The following XRN2 variants were observed in gnomAD, a reference collection of about 807,000 sequenced individuals.
XRN2 encodes the protein DHM1-like protein.
A neutral mutation model predicts 138.5 loss-of-function variants in XRN2; 44 were observed. That is an observed-to-expected ratio of 0.32 (90% CI 0.25 to 0.41). The LOEUF is 0.41. XRN2 is among the 10% of genes least tolerant of loss of function. XRN2 has a pLI of 1.00. For missense variants in XRN2, 937 were observed against 1,169.3 expected, an observed-to-expected ratio of 0.80 and a Z score of 2.90; for synonymous variants, 354 against 369.4, an observed-to-expected ratio of 0.96 and a Z score of 0.48.
rs2122210582 is a variant in XRN2 at position 21,330,504 on chromosome 20, A to G, written c.451A>G (p.Ile151Val). ...AGGTGGCTTTCTTCCTCCAGAAGAA[A>G]TAAAAGAAAGATTTGACAGCAACTG... Reference protein sequence around the residue: ...AKGGFLPPEEIKERFDSNCIT... With the variant: ...AKGGFLPPEEVKERFDSNCIT... The change falls in exon 5 of 30, where the codon ATA becomes GTA. Residue 151 changes from isoleucine (I) to valine (V), a missense_variant. Physicochemically the swap from Ile to Val is conservative, Grantham distance 29. Around this residue, in one of 6 missense-constraint regions of XRN2, gnomAD observed 471 missense variants for 581.2 expected, o/e 0.81. Transcript: ENST00000377191. The G allele has an allele frequency of 6.2e-7, 1 of 1,613,868 alleles. No individual in the cohort carries two copies. Among genetic ancestry groups the G allele is most frequent in the East Asian group, 2.2e-5 (1 of 44,844 alleles).
intron 24 of XRN2, among the ~76,000 whole-genome samples, chr20:21,361,982 A>C (rs1337439713): frequency 6.6e-6 from 1 of 152,246 alleles, no homozygotes; most frequent in African/African-American, 2.4e-5. Context: ...GAAAAATGAT[A>C]TTAATACTTT....
chr20:21,360,423 T>C (rs1336438102), intron 24 of XRN2, among the ~76,000 whole-genome samples: 1 of 152,110 alleles, frequency 6.6e-6, no homozygotes, highest in Non-Finnish European at 1.5e-5. Flanking sequence ...ACAGTTTTTA[T>C]ATATGTTGTT....
intron 4 of XRN2, among the ~76,000 whole-genome samples, chr20:21,329,001 A>G (rs768935895): frequency 2.0e-5 from 3 of 151,956 alleles, no homozygotes; most frequent in Non-Finnish European, 4.4e-5. Context: ...ATTTTTTACT[A>G]CTTTTCTCTG....
intron 13 of XRN2, among the ~76,000 whole-genome samples, chr20:21,337,572 A>C (rs912396954): frequency 2.0e-5 from 3 of 151,562 alleles, no homozygotes; most frequent in African/African-American, 4.9e-5. Flanking sequence ...CCAGGTGATG[A>C]CTCCCATGGG....
intron 29 of XRN2, among the ~76,000 whole-genome samples, chr20:21,388,989 T>G (rs954393396): frequency 6.6e-6 from 1 of 152,256 alleles, no homozygotes; most frequent in Non-Finnish European, 1.5e-5. Flanking sequence ...CCACTGTCTG[T>G]ACATGTTGTT....
rs535403975 is a variant in XRN2, at chr20:21,344,098, G to A, written c.1419G>A (p.Ser473=). ...EMRMQNNSSP[S]ISPNTSFTSD... ...GTCATCATTGTCTGCAGAGTCCTTC[G>A]ATATCTCCTAATACGAGTTTCACAT... is the stretch of plus-strand genomic sequence containing the variant. The change falls in exon 16 of 30, where the codon TCG becomes TCA. Residue 473 remains serine (S), a synonymous_variant. Coordinates refer to ENST00000377191, the MANE Select transcript of XRN2 (RefSeq NM_012255.5). The A allele has an allele frequency of 1.2e-5, 19 of 1,608,664 alleles. No individual in the cohort carries two copies. The Middle Eastern group carries it at 5.0e-4, about 42-fold the overall frequency.
At chr20:21,371,310 A>G (rs1447517237) in intron 27 of XRN2, among the ~76,000 whole-genome samples, 1 of 151,900 alleles carries the variant, frequency 6.6e-6, no homozygotes, top group African/African-American at 2.4e-5. Flanking sequence ...TAGTGTATTC[A>G]CTCTCTGTCT....
At chr20:21,349,914 CTT>C (rs2038484792) in intron 20 of XRN2, among the ~76,000 whole-genome samples, 1 of 152,144 alleles carries the variant, frequency 6.6e-6, no homozygotes, top group African/African-American at 2.4e-5. Flanking sequence ...ATAATTACAT[CTT>C]TTGTTTCCTT....
chr20:21,313,071 A>G (rs539580045), intron 1 of XRN2, among the ~76,000 whole-genome samples: 2 of 152,346 alleles, frequency 1.3e-5, no homozygotes, highest in East Asian at 3.9e-4. Context: ...GCAACCTGTG[A>G]TTGACTGAAG....
chr20:21,353,627 C>A (rs933786783), intron 20 of XRN2, among the ~76,000 whole-genome samples: 1 of 151,670 alleles, frequency 6.6e-6, no homozygotes, highest in African/African-American at 2.4e-5. Context: ...CTCATCTCTA[C>A]AAAAAATTTT....
At chr20:21,356,039 AT>A (rs748441159) in intron 21 of XRN2, 40 bp from the exon 22 acceptor site, 15 of 1,536,392 alleles carry the variant, frequency 9.8e-6, no homozygotes, top group Admixed American at 5.8e-5. Flanking sequence ...TGCAGGTACA[AT>A]TTTTTTATGT....
intron 3 of XRN2, 150 bp downstream of exon 3, chr20:21,326,751 T>A (rs962064022): frequency 8.5e-5 from 58 of 683,844 alleles, no homozygotes; most frequent in Non-Finnish European, 1.3e-4. Flanking sequence ...ATTCAGATGT[T>A]TTTTTGTGTG....
At chr20:21,324,921 A>G (rs373414347) in intron 1 of XRN2, among the ~76,000 whole-genome samples, 3 of 152,190 alleles carry the variant, frequency 2.0e-5, no homozygotes, top group African/African-American at 2.4e-5. Flanking sequence ...CATCACTATT[A>G]TCTGATTTTA....
At chr20:21,379,353 C>T (rs2038858543) in intron 27 of XRN2, among the ~76,000 whole-genome samples, 1 of 152,150 alleles carries the variant, frequency 6.6e-6, no homozygotes, top group Non-Finnish European at 1.5e-5. Context: ...CCAGGAAATA[C>T]TTCTGCTTTA....
At chr20:21,364,535 G>A (rs555578700) in intron 24 of XRN2, among the ~76,000 whole-genome samples, 24 of 152,270 alleles carry the variant, frequency 1.6e-4, no homozygotes, top group Non-Finnish European at 2.5e-4. Flanking sequence ...GTCCAGGCGC[G>A]GTGGCTCATG....
In XRN2 at chr20:21,366,151, T is replaced by C. The variant is rs1201276464; in HGVS notation, c.2456+447T>C. On this transcript the variant is annotated intron_variant, in intron 26 of 29. Transcript: ENST00000377191. ...TTTATATATATAACATATATAAATA[T>C]ATATTTATAGTTTATATAATATATA... Among the ~76,000 whole-genome samples the C allele has an allele frequency of 2.2e-3, 98 of 43,788 alleles. 1 individual carries two copies. Among genetic ancestry groups the C allele is most frequent in the Middle Eastern group, 0.023 (2 of 86 alleles). The allele number at this position is 43,788 out of a possible 152,430, so 28.7% of individuals were successfully genotyped here.
chr20:21,362,636 A>G (rs2038650539), intron 24 of XRN2, among the ~76,000 whole-genome samples: 1 of 152,142 alleles, frequency 6.6e-6, no homozygotes, highest in Non-Finnish European at 1.5e-5. Context: ...ACTACTTGCA[A>G]AGGCATCACA....
intron 26 of XRN2, among the ~76,000 whole-genome samples, chr20:21,365,909 A>AT (rs1411487449): frequency 7.7e-4 from 95 of 123,444 alleles, no homozygotes; most frequent in African/African-American, 2.9e-3. Context: ...TATATATAAT[A>AT]TATATAATAT....
At chr20:21,366,513 C>T (rs1168711390) in intron 26 of XRN2, among the ~76,000 whole-genome samples, 4 of 150,038 alleles carry the variant, frequency 2.7e-5, no homozygotes, top group African/African-American at 7.4e-5. Flanking sequence ...GCTGAGATTG[C>T]GTCACTGCAC....
Sources: allele counts gnomAD v4.1 joint callset (sites outside exome capture counted in the v4.1 genomes callset), GRCh38; gene constraint gnomAD v4.1.1; regional missense constraint gnomAD v4.1.1; transcripts MANE v1.5; gene names NCBI Gene and HGNC (gene_info 2026-07-23, HGNC 2026-07-21).